The following LINC00632 variants were observed in gnomAD, a reference collection of about 807,000 sequenced individuals.
LINC00632 encodes ALDOA related specific transcript.
intron 2 of LINC00632, among the ~76,000 whole-genome samples, chrX:140,729,977 A>G (rs1325427909): frequency 1.9e-5 from 2 of 107,006 alleles, no homozygotes; most frequent in Non-Finnish European, 3.9e-5. Context: ...CCCGGGTTCA[A>G]GCGATTCTCC....
intron 2 of LINC00632, among the ~76,000 whole-genome samples, chrX:140,721,311 C>G (rs1930724691): frequency 9.0e-6 from 1 of 111,601 alleles, no homozygotes; most frequent in South Asian, 3.8e-4. Flanking sequence ...TGCCTTGTGA[C>G]ACCAGAGCAC....
chrX:140,728,076 A>C lies in LINC00632; in HGVS notation n.105-5802A>C, dbSNP rs763730810. Among the ~76,000 whole-genome samples, 3 of 110,448 alleles carry C rather than the reference A, an allele frequency of 2.7e-5. No homozygotes were observed. In the East Asian group the frequency reaches 8.8e-4, roughly 32 times the overall value. ...ACCAACATGGGGAAACCCCATCTCT[A>C]CTAAAAATACAAAATTAACTGGGCA... On this transcript the variant is annotated intron_variant and non_coding_transcript_variant, in intron 2 of 4. Transcript: ENST00000648200.
At chrX:140,769,788 C>T (rs376546311) in intron 3 of LINC00632, among the ~76,000 whole-genome samples, 1 of 111,111 alleles carries the variant, frequency 9.0e-6, no homozygotes, top group Non-Finnish European at 1.9e-5. Flanking sequence ...CGCCTTTGTC[C>T]CTTCCACCTG....
At chrX:140,777,755 C>G (rs1329638796) in exon 5 of LINC00632, among the ~76,000 whole-genome samples, 1 of 112,285 alleles carries the variant, frequency 8.9e-6, no homozygotes, top group Non-Finnish European at 1.9e-5. Flanking sequence ...TCAAGTCACT[C>G]CTGCCTTTGT....
chrX:140,729,267 A>G (rs1189589344), intron 2 of LINC00632, among the ~76,000 whole-genome samples: 1 of 110,035 alleles, frequency 9.1e-6, no homozygotes, highest in Non-Finnish European at 1.9e-5. Flanking sequence ...ATCGAGAATC[A>G]GCCTGTATCA....
intron 2 of LINC00632, among the ~76,000 whole-genome samples, chrX:140,724,320 ACT>A (rs1281238600): frequency 1.7e-4 from 14 of 80,538 alleles, no homozygotes; most frequent in African/African-American, 4.7e-4. Flanking sequence ...CACATTCCAT[ACT>A]CACACACACA....
At chrX:140,763,647 T>C (rs1392564044) in intron 3 of LINC00632, among the ~76,000 whole-genome samples, 1 of 111,344 alleles carries the variant, frequency 9.0e-6, no homozygotes, top group Non-Finnish European at 1.9e-5. Flanking sequence ...AGACAAGACT[T>C]CTCCAGTAAA....
intron 2 of LINC00632, among the ~76,000 whole-genome samples, chrX:140,717,051 C>T (rs2148376831): frequency 9.1e-6 from 1 of 110,013 alleles, no homozygotes; most frequent in South Asian, 4.0e-4. Context: ...GTGGCGCAAT[C>T]TCGGCTCACT....
chrX:140,723,327 C>G (rs867930643), intron 2 of LINC00632, among the ~76,000 whole-genome samples: 1 of 37,434 alleles, frequency 2.7e-5, no homozygotes, highest in African/African-American at 1.0e-4. Flanking sequence ...ACACACATTC[C>G]ATACACACAG....
In LINC00632 at chrX:140,714,025, G is replaced by A; in HGVS notation, n.104+2369G>A. The A allele has an allele frequency of 1.2e-5, 3 of 242,153 alleles. No individual in the cohort carries two copies. In the South Asian group the frequency reaches 1.4e-4, roughly 11 times the overall value. 20.0% of individuals were successfully genotyped at this position (242,153 alleles called of 1,213,427 possible). ...ACAGCACACAGACTTTCTCTAGAGTGTACAGCTTCTTCCCACAGCAAACAG... is the reference window on the plus strand; with the variant it reads ...ACAGCACACAGACTTTCTCTAGAGTATACAGCTTCTTCCCACAGCAAACAG... On this transcript the variant is annotated intron_variant and non_coding_transcript_variant, in intron 2 of 4. Coordinates refer to ENST00000648200, the Ensembl canonical transcript of LINC00632.
At chrX:140,787,438 T>G (rs1479908926) in exon 5 of LINC00632, among the ~76,000 whole-genome samples, 2 of 111,995 alleles carry the variant, frequency 1.8e-5, no homozygotes, top group Non-Finnish European at 3.8e-5. Context: ...CCTTCCAATT[T>G]TCTTGTATTA....
chrX:140,748,522 A>T (rs998608957), intron 3 of LINC00632, among the ~76,000 whole-genome samples: 1 of 111,049 alleles, frequency 9.0e-6, no homozygotes, highest in Non-Finnish European at 1.9e-5. Flanking sequence ...CATAATTGCA[A>T]TCCATTTTAT....
chrX:140,745,554 T>C (rs970204569), intron 3 of LINC00632, among the ~76,000 whole-genome samples: 5 of 111,232 alleles, frequency 4.5e-5, no homozygotes, highest in Non-Finnish European at 9.4e-5. Flanking sequence ...ATTGACCACA[T>C]GACATGGTCA....
chrX:140,762,238 A>AGG (rs1409127020), intron 3 of LINC00632, among the ~76,000 whole-genome samples: 24 of 103,578 alleles, frequency 2.3e-4, no homozygotes, highest in East Asian at 2.1e-3. Context: ...AGAGAGAGAG[A>AGG]GAGAGCACTC....
chrX:140,786,576 T>G (rs1443414476), exon 5 of LINC00632, among the ~76,000 whole-genome samples: 1 of 111,434 alleles, frequency 9.0e-6, no homozygotes, highest in African/African-American at 3.3e-5. Flanking sequence ...CTCTTTATTT[T>G]CCCTGCTACT....
At chrX:140,756,743 T>C (rs781691087) in intron 3 of LINC00632, among the ~76,000 whole-genome samples, 1 of 112,280 alleles carries the variant, frequency 8.9e-6, no homozygotes, top group Non-Finnish European at 1.9e-5. Context: ...TGGTGTTTCA[T>C]AGCAATTAAC....
At chrX:140,791,338 A>G (rs1932104554) in exon 5 of LINC00632, among the ~76,000 whole-genome samples, 1 of 112,174 alleles carries the variant, frequency 8.9e-6, no homozygotes, top group South Asian at 3.7e-4. Flanking sequence ...TCCTGGAATA[A>G]AACTGATTTG....
chrX:140,754,616 T>C lies in LINC00632; in HGVS notation n.192-17462T>C, dbSNP rs756965044. On this transcript the variant is annotated intron_variant and non_coding_transcript_variant, in intron 3 of 4. Transcript: ENST00000648200. ...TCCCAGGGAGATACTTGACATTGCT[T>C]GGTCTGTTTTCAGAGGGGAAAATGG... Among the ~76,000 whole-genome samples the C allele has an allele frequency of 7.2e-5, 8 of 111,585 alleles. No homozygotes were observed. In the East Asian group the frequency reaches 2.0e-3, roughly 28 times the overall value.
At position 140,771,683 on chromosome X, in the gene LINC00632, A is replaced by ATTT. The variant is rs1286518719; in HGVS notation, n.192-394_192-393insTTT. Among the ~76,000 whole-genome samples the ATTT allele has an allele frequency of 2.5e-3, 146 of 59,014 alleles. 3 individuals are homozygous for ATTT. Among genetic ancestry groups the ATTT allele is most frequent in the African/African-American group, 0.011 (134 of 11,702 alleles). 51.2% of individuals were successfully genotyped at this position (59,014 alleles called of 115,157 possible). On this transcript the variant is annotated intron_variant and non_coding_transcript_variant, in intron 3 of 4. Transcript: ENST00000648200. Reference sequence around the variant, plus strand: ...TGTGTGTGTATATATATATATATATATATTTTTTTTTTTTGAGACGGAATC... The same window carrying ATTT: ...TGTGTGTGTATATATATATATATATATTTTATTTTTTTTTTTTGAGACGGAATC...
Sources: allele counts gnomAD v4.1 joint callset (sites outside exome capture counted in the v4.1 genomes callset), GRCh38; gene constraint gnomAD v4.1.1; transcripts MANE v1.5; gene names NCBI Gene and HGNC (gene_info 2026-07-23, HGNC 2026-07-21).